GRIN2B: variants seen among roughly 807,000 people sequenced by gnomAD.
The protein encoded by GRIN2B is glutamate ionotropic receptor NMDA type subunit 2B.
In GRIN2B, 5 loss-of-function variants were observed where a neutral mutation model predicts 114.5. That is an observed-to-expected ratio of 0.04 (90% CI 0.02 to 0.09). GRIN2B has a LOEUF of 0.09. GRIN2B is among the 10% of genes least tolerant of loss of function. GRIN2B has a pLI of 1.00. For synonymous variants in GRIN2B, 787 were observed against 745.1 expected (o/e 1.06, Z -0.92); for missense variants, 1,108 against 1,943.5 (o/e 0.57, Z 8.08).
At chr12:13,827,575 A>AT (rs1865067275) in intron 3 of GRIN2B, among the ~76,000 whole-genome samples, 1 of 151,390 alleles carries the variant, frequency 6.6e-6, no homozygotes, top group Non-Finnish European at 1.5e-5. Context: ...TAGTTCAAAT[A>AT]TTTTTTCTTT....
At chr12:13,921,279 T>A (rs7312179) in intron 2 of GRIN2B, among the ~76,000 whole-genome samples, 9,957 of 152,064 alleles carry the variant, frequency 0.065, 975 homozygotes, top group East Asian at 0.42. Flanking sequence ...AGACCTGTAG[T>A]CCCAGCTGCT....
intron 5 of GRIN2B, among the ~76,000 whole-genome samples, chr12:13,651,267 T>A (rs1332222836): frequency 6.6e-6 from 1 of 152,024 alleles, no homozygotes; most frequent in Non-Finnish European, 1.5e-5. Flanking sequence ...CCAGGAATGG[T>A]CTTTGATAGT....
At chr12:13,897,855 C>T (rs530710745) in intron 2 of GRIN2B, among the ~76,000 whole-genome samples, 21 of 151,962 alleles carry the variant, frequency 1.4e-4, no homozygotes, top group African/African-American at 4.6e-4. Flanking sequence ...TTGAATGACT[C>T]AATGATTTCA....
In GRIN2B at chr12:13,561,735, T is replaced by C. The variant is rs1232944865; in HGVS notation, c.*1048A>G. Reference sequence around the variant, plus strand: ...GTTTCCCTTTAGCCTTCCTGGAAAGTTCTTGGTTCAAACTGGTTGAAACAA... The same window carrying C: ...GTTTCCCTTTAGCCTTCCTGGAAAGCTCTTGGTTCAAACTGGTTGAAACAA... On this transcript the variant is annotated 3_prime_UTR_variant, in exon 14 of 14. Transcript: ENST00000609686. 6.5e-6 allele frequency: 1 copy of C among 152,688 alleles called. No individual in the cohort carries two copies. Among genetic ancestry groups the C allele is most frequent in the Non-Finnish European group, 1.5e-5 (1 of 68,052 alleles). 9.5% of individuals were successfully genotyped at this position (152,688 alleles called of 1,614,324 possible).
intron 2 of GRIN2B, among the ~76,000 whole-genome samples, chr12:13,976,777 GA>G (rs553762134): frequency 4.2e-4 from 63 of 149,486 alleles, no homozygotes; most frequent in South Asian, 2.3e-3. Flanking sequence ...CAAGAATATA[GA>G]AAAAAAAAAT....
At chr12:13,612,031 G>A (rs1949371552) in intron 8 of GRIN2B, among the ~76,000 whole-genome samples, 181 bp from the exon 9 acceptor site, 1 of 152,214 alleles carries the variant, frequency 6.6e-6, no homozygotes, top group Non-Finnish European at 1.5e-5. Context: ...GTCAAGGATT[G>A]CCTTCCTTCA....
chr12:13,955,851 G>C (rs542733642), intron 2 of GRIN2B, among the ~76,000 whole-genome samples: 7 of 152,306 alleles, frequency 4.6e-5, no homozygotes, highest in Middle Eastern at 3.4e-3. Flanking sequence ...AGTACGTGCA[G>C]TGTGAAGATC....
intron 3 of GRIN2B, among the ~76,000 whole-genome samples, chr12:13,860,460 C>T (rs1865733586): frequency 6.6e-6 from 1 of 152,172 alleles, no homozygotes; most frequent in African/African-American, 2.4e-5. Context: ...TCCCAAGTAG[C>T]TGTGATTACA....
intron 4 of GRIN2B, among the ~76,000 whole-genome samples, chr12:13,713,102 A>G (rs1474021289): frequency 2.0e-5 from 3 of 151,922 alleles, no homozygotes; most frequent in African/African-American, 7.2e-5. Flanking sequence ...AAGTAATTTT[A>G]AAGAGTGTAA....
Position 13,539,309 on chromosome 12 carries a change from A to C in GRIN2B, c.*23474T>G, listed in dbSNP as rs1591591889. 1 of 152,234 alleles carries C rather than the reference A, an allele frequency of 6.6e-6. No homozygotes were observed. The highest frequency in any genetic ancestry group is 1.5e-5 in the Non-Finnish European group (1 of 68,042). 9.4% of individuals were successfully genotyped at this position (152,234 alleles called of 1,614,324 possible). A position where few individuals can be genotyped will look rare whatever the true frequency, so the allele number is the denominator to read the frequency against. On this transcript the variant is annotated 3_prime_UTR_variant, in exon 14 of 14. Coordinates refer to ENST00000609686, the MANE Select transcript of GRIN2B (RefSeq NM_000834.5). ...AGAGTTCTTCTAAATGGTCTCTAGA[A>C]GGTCCTTTCCAGTACTAGGACTATA...
intron 5 of GRIN2B, among the ~76,000 whole-genome samples, chr12:13,667,494 CA>C (rs1277538482): frequency 6.6e-6 from 1 of 152,142 alleles, no homozygotes; most frequent in Non-Finnish European, 1.5e-5. Flanking sequence ...TATGGCATCA[CA>C]GTTAGACCAC....
At chr12:13,846,661 T>A (rs769540564) in intron 3 of GRIN2B, among the ~76,000 whole-genome samples, 16 of 152,184 alleles carry the variant, frequency 1.1e-4, no homozygotes, top group Non-Finnish European at 1.6e-4. Flanking sequence ...AAATAAGAAT[T>A]GCACATTCCC....
chr12:13,616,783 A>G, intron 5 of GRIN2B, 126 bp from the exon 6 acceptor site: 2 of 754,164 alleles, frequency 2.7e-6, no homozygotes, highest in Non-Finnish European at 4.8e-6. Context: ...AACATTGTAC[A>G]TACTAGAGAT....
chr12:13,952,026 A>G (rs1478419779), intron 2 of GRIN2B, among the ~76,000 whole-genome samples: 3 of 152,200 alleles, frequency 2.0e-5, no homozygotes, highest in Non-Finnish European at 4.4e-5. Context: ...GTGTATATAT[A>G]GCAGTAAGAG....
chr12:13,869,881 A>T (rs1865880016), intron 2 of GRIN2B, among the ~76,000 whole-genome samples: 1 of 152,224 alleles, frequency 6.6e-6, no homozygotes, highest in African/African-American at 2.4e-5. Context: ...TGAAACCAGG[A>T]TAATATACCT....
chr12:13,699,548 C>A (rs1216312016), intron 4 of GRIN2B, among the ~76,000 whole-genome samples: 1 of 151,862 alleles, frequency 6.6e-6, no homozygotes, highest in African/African-American at 2.4e-5. Flanking sequence ...AGTGACTTTT[C>A]TAGCACCTTG....
intron 4 of GRIN2B, among the ~76,000 whole-genome samples, chr12:13,727,447 C>A (rs1244802469): frequency 2.0e-5 from 3 of 152,164 alleles, no homozygotes; most frequent in African/African-American, 7.2e-5. Context: ...GAGATTGTAA[C>A]GATTTACACC....
At position 13,694,856 on chromosome 12, in the gene GRIN2B, T is replaced by A. The variant is rs1028890888; in HGVS notation, c.1011-18997A>T. On this transcript the variant is annotated intron_variant, in intron 4 of 13. Transcript: ENST00000609686. ...CTACTCACATTACTTTTTCCAGGAC[T>A]GGGGAAAGTGAAGAAAAGTCTCTGT... Among the ~76,000 whole-genome samples, 5 of 151,826 alleles carry A rather than the reference T, an allele frequency of 3.3e-5. No homozygotes were observed. In the South Asian group the frequency reaches 1.0e-3, roughly 32 times the overall value.
At chr12:13,979,294 T>C (rs899620029) in intron 2 of GRIN2B, among the ~76,000 whole-genome samples, 3 of 152,152 alleles carry the variant, frequency 2.0e-5, no homozygotes, top group Non-Finnish European at 2.9e-5. Context: ...CAATTCCAGG[T>C]GTTCTGAGAC....
Sources: allele counts gnomAD v4.1 joint callset (sites outside exome capture counted in the v4.1 genomes callset), GRCh38; gene constraint gnomAD v4.1.1; transcripts MANE v1.5; gene names NCBI Gene and HGNC (gene_info 2026-07-23, HGNC 2026-07-21).